Variants in GRIP1 observed in about 807,000 individuals in gnomAD.
The protein encoded by GRIP1 is glutamate receptor-interacting protein 1.
GRIP1 carries 45 observed loss-of-function variants against 129.9 expected under a neutral mutation model. The ratio of observed to expected loss-of-function variants is 0.35; its 90% CI spans 0.27 to 0.44. The LOEUF (loss-of-function observed/expected upper bound fraction) is 0.44, where lower values mean the gene tolerates loss of function less well. GRIP1 is among the 20% of genes least tolerant of loss of function. The pLI is 1.00. For synonymous variants in GRIP1, 530 were observed against 520.8 expected (o/e 1.02, Z -0.24); for missense variants, 1,196 against 1,396.8 (o/e 0.86, Z 2.29).
At chr12:66,779,298 T>C (rs1253741618) in intron 1 of GRIP1, among the ~76,000 whole-genome samples, 1 of 152,182 alleles carries the variant, frequency 6.6e-6, no homozygotes, top group East Asian at 1.9e-4. Context: ...AAATCATGTG[T>C]AATGTAGTGT....
rs1299940848 is a variant in GRIP1, at chr12:66,661,469, A to G, written c.55+17381T>C. Among the ~76,000 whole-genome samples, 73 of 81,622 alleles carry G rather than the reference A, an allele frequency of 8.9e-4. 1 individual carries two copies. The highest frequency in any genetic ancestry group is 1.5e-3 in the Non-Finnish European group (62 of 40,128). The allele number at this position is 81,622 out of a possible 152,430, so 53.5% of individuals were successfully genotyped here. A position where few individuals can be genotyped will look rare whatever the true frequency, so the allele number is the denominator to read the frequency against. ...TTTGTTAGATTTTGGCAAAAAAAAA[A>G]AAAAGGTGGAGGGGAGATGGGAAAA... On this transcript the variant is annotated intron_variant, in intron 1 of 24. Coordinates refer to ENST00000359742, the MANE Select transcript of GRIP1 (RefSeq NM_001366722.1).
intron 14 of GRIP1, among the ~76,000 whole-genome samples, chr12:66,425,453 C>T (rs959910751): frequency 6.6e-6 from 1 of 152,134 alleles, no homozygotes; most frequent in Admixed American, 6.5e-5. Context: ...TACCATTTGA[C>T]CCAGCCATCC....
At chr12:66,837,691 G>C (rs1011927312) in intron 1 of GRIP1, among the ~76,000 whole-genome samples, 2 of 152,190 alleles carry the variant, frequency 1.3e-5, no homozygotes, top group Admixed American at 6.5e-5. Context: ...TGGTGGTATA[G>C]AGAATAGGCT....
In GRIP1 at chr12:66,904,158, G is replaced by A. The variant is rs116736252; in HGVS notation, c.58+164892C>T. Among the ~76,000 whole-genome samples, 202 of 152,310 alleles carry A rather than the reference G, an allele frequency of 1.3e-3. 1 individual carries two copies. Among genetic ancestry groups the A allele is most frequent in the African/African-American group, 4.6e-3 (192 of 41,566 alleles). On this transcript the variant is annotated intron_variant, in intron 1 of 1. Coordinates refer to the GRIP1 transcript ENST00000643019. ...AATACTGTAATGTGCCACTAGAAAT[G>A]AACAGCAGGAAGGGGAAACATTTTT...
chr12:66,989,075 T>C (rs892127405), intron 1 of GRIP1, among the ~76,000 whole-genome samples: 7 of 152,198 alleles, frequency 4.6e-5, no homozygotes, highest in Admixed American at 6.5e-5. Flanking sequence ...ATTAGTCTCA[T>C]AGGACACCTT....
At chr12:66,794,609 G>C (rs1373716776) in intron 1 of GRIP1, among the ~76,000 whole-genome samples, 1 of 152,132 alleles carries the variant, frequency 6.6e-6, no homozygotes, top group Non-Finnish European at 1.5e-5. Flanking sequence ...TCTATTCTGA[G>C]CTGTGTAATC....
intron 1 of GRIP1, among the ~76,000 whole-genome samples, chr12:66,919,869 T>C (rs977742839): frequency 6.6e-6 from 1 of 152,170 alleles, no homozygotes; most frequent in African/African-American, 2.4e-5. Context: ...ACAAAATGCC[T>C]GAAGCAAATT....
chr12:66,431,351 G>A (rs2137954663), intron 14 of GRIP1, among the ~76,000 whole-genome samples: 1 of 152,238 alleles, frequency 6.6e-6, no homozygotes. Context: ...GGTCACATTA[G>A]GGTTTGGGGG....
At chr12:66,576,909 T>A (rs2063156451) in intron 2 of GRIP1, among the ~76,000 whole-genome samples, 1 of 152,226 alleles carries the variant, frequency 6.6e-6, no homozygotes, top group Non-Finnish European at 1.5e-5. Flanking sequence ...AAGTTCAATA[T>A]AAACAAACAT....
intron 1 of GRIP1, among the ~76,000 whole-genome samples, chr12:66,823,566 C>T (rs1215521950): frequency 6.6e-6 from 1 of 152,046 alleles, no homozygotes; most frequent in Admixed American, 6.6e-5. Flanking sequence ...ACCTAATACA[C>T]CATATCTATC....
At chr12:66,970,479 T>C (rs11176507) in intron 1 of GRIP1, among the ~76,000 whole-genome samples, 2,758 of 151,642 alleles carry the variant, frequency 0.018, 88 homozygotes, top group African/African-American at 0.063. Flanking sequence ...TGTCTAAGAT[T>C]GGGTTGTATA....
chr12:66,907,915 G>T (rs1217562887), intron 1 of GRIP1, among the ~76,000 whole-genome samples: 4 of 152,052 alleles, frequency 2.6e-5, no homozygotes, highest in African/African-American at 9.7e-5. Flanking sequence ...AAGAAGACAT[G>T]CAAAGTGACA....
chr12:66,630,494 A>AT (rs1180664210), intron 1 of GRIP1, among the ~76,000 whole-genome samples: 1 of 148,656 alleles, frequency 6.7e-6, no homozygotes, highest in Admixed American at 6.8e-5. Context: ...TTGTATAAAA[A>AT]TTTTTTTGAG....
At chr12:66,690,440 C>T (rs972989542) in intron 1 of GRIP1, among the ~76,000 whole-genome samples, 3 of 151,816 alleles carry the variant, frequency 2.0e-5, no homozygotes, top group African/African-American at 7.3e-5. Context: ...TCTTGATGGA[C>T]ACTTAGGTTG....
chr12:66,635,222 A>G (rs1565928417), intron 1 of GRIP1, among the ~76,000 whole-genome samples: 2 of 151,964 alleles, frequency 1.3e-5, no homozygotes, highest in Non-Finnish European at 2.9e-5. Context: ...GTTCAAGACA[A>G]CCCTAGGCAA....
intron 1 of GRIP1, among the ~76,000 whole-genome samples, chr12:66,636,089 G>A (rs989884672): frequency 6.6e-6 from 1 of 152,180 alleles, no homozygotes; most frequent in Non-Finnish European, 1.5e-5. Context: ...AAAAAAGGAA[G>A]AAAGTCTTGT....
intron 1 of GRIP1, among the ~76,000 whole-genome samples, chr12:66,815,833 T>TTTCCTTCC (rs201841204): frequency 5.7e-5 from 5 of 87,066 alleles, no homozygotes; most frequent in Non-Finnish European, 1.2e-4. Flanking sequence ...TCTTTCTTTC[T>TTTCCTTCC]TTCTTTCTTT....
intron 1 of GRIP1, among the ~76,000 whole-genome samples, chr12:66,649,272 C>A (rs1592699639): frequency 6.6e-6 from 1 of 152,256 alleles, no homozygotes. Context: ...TACCAGGAGG[C>A]AACCCACTTC....
chr12:66,652,332 C>T (rs1406744532), intron 1 of GRIP1, among the ~76,000 whole-genome samples: 1 of 152,102 alleles, frequency 6.6e-6, no homozygotes, highest in Non-Finnish European at 1.5e-5. Context: ...TGGCAGTTTC[C>T]CCTGGGCTTT....
Sources: gnomAD v4.1 joint callset for allele counts (sites outside exome capture counted in the v4.1 genomes callset) on GRCh38, gnomAD v4.1.1 for gene constraint, MANE v1.5 for transcripts, NCBI Gene and HGNC (gene_info 2026-07-23, HGNC 2026-07-21) for gene names.